ZNF511: variants seen among roughly 807,000 people sequenced by gnomAD.
ZNF511 encodes zinc finger protein 511.
Under a neutral mutation model 24.8 loss-of-function variants are expected in ZNF511, and 26 were observed. The ratio of observed to expected loss-of-function variants is 1.05; its 90% CI spans 0.77 to 1.46. The LOEUF (loss-of-function observed/expected upper bound fraction) is 1.46. Ranked by LOEUF, ZNF511 falls within the 40% of genes most tolerant of loss-of-function variation. The pLI is 0.00. For missense variants in ZNF511, 358 were observed against 345.0 expected, an observed-to-expected ratio of 1.04 and a Z score of -0.30; for synonymous variants, 144 against 139.6, an observed-to-expected ratio of 1.03 and a Z score of -0.22.
chr10:133,309,415 A>G lies in ZNF511; in HGVS notation c.179A>G (p.Tyr60Cys), dbSNP rs202111230. 4 of 1,612,206 alleles carry G rather than the reference A, an allele frequency of 2.5e-6. No individual in the cohort carries two copies. The African/African-American group carries it at 5.3e-5, about 21-fold the overall frequency. ...GATGGGGACGTGCAGCGCCACCTCTACCTCCAGGACGTGATCATGCAGGTG... is the reference window on the plus strand; with the variant it reads ...GATGGGGACGTGCAGCGCCACCTCTGCCTCCAGGACGTGATCATGCAGGTG... Reference protein sequence around the residue: ...FEDGDVQRHLYLQDVIMQVAD... With the variant: ...FEDGDVQRHLCLQDVIMQVAD... Residue 60 changes from tyrosine to cysteine, a missense_variant, in exon 2 of 6, where the codon TAC becomes TGC. Physicochemically the swap from Tyr to Cys is radical, Grantham distance 194. Coordinates refer to ENST00000361518, the MANE Select transcript of ZNF511 (RefSeq NM_145806.4).
chr10:133,310,347 C>G (rs1847962995), intron 4 of ZNF511, 59 bp downstream of exon 4: 2 of 1,605,874 alleles, frequency 1.2e-6, no homozygotes, highest in African/African-American at 2.7e-5. Flanking sequence ...AGGTTTCCAA[C>G]TAGCCGGAAT....
At chr10:133,311,432 C>T (rs535008657) in intron 4 of ZNF511, among the ~76,000 whole-genome samples, 13 of 152,190 alleles carry the variant, frequency 8.5e-5, no homozygotes, top group African/African-American at 2.6e-4. Flanking sequence ...TAAAAAGACC[C>T]GTGGCACCGT....
At position 133,310,221 on chromosome 10, in the gene ZNF511, G is replaced by A; in HGVS notation, c.487G>A (p.Asp163Asn). The A allele has an allele frequency of 4.3e-6, 7 of 1,614,076 alleles. No homozygotes were observed. The highest frequency in any genetic ancestry group is 5.9e-6 in the Non-Finnish European group (7 of 1,180,042). The change falls in exon 4 of 6, where the codon GAT (aspartate) becomes AAT (asparagine). Residue 163 changes from aspartate (D) to asparagine (N), a missense_variant. By Grantham distance (23) the Asp-to-Asn change is conservative. Transcript: ENST00000361518. ...GTTCAAGACCAGCAGAGACCGGAAG[G>A]ATCACATGGTGAGGATGCACCTGTA... ...EKFKTSRDRK[D>N]HMVRMHLYPA... is the part of the protein sequence containing the mutation.
At chr10:133,310,628 C>A (rs920723231) in intron 4 of ZNF511, 4 of 336,164 alleles carry the variant, frequency 1.2e-5, no homozygotes, top group African/African-American at 8.5e-5. Flanking sequence ...GTCATCCGCA[C>A]TCACACCCCT....
Position 133,310,089 on chromosome 10 carries a change from G to A in ZNF511, c.430-75G>A. 1.9e-6 allele frequency: 3 copies of A among 1,611,236 alleles called. No individual in the cohort carries two copies. In the South Asian group the frequency reaches 3.3e-5, roughly 18 times the overall value. On this transcript the variant is annotated intron_variant, in intron 3 of 5. Transcript: ENST00000361518. ...AGGCCGGGGACACCTTTCCGCCCTT[G>A]GCAGCTCTGCTACGGGGGCATGGCG...
Position 133,309,784 on chromosome 10 carries a change from CGT to C in ZNF511, c.237_238del (p.Phe80CysfsTer59). ...GCACGTCTCCTTGGCAGGGTGCCCG[CGT>C]TTGCCTGCCAGGTGGCCGGCTGCTG... On this transcript the variant is annotated frameshift_variant, in exon 3 of 6. Coordinates refer to ENST00000361518, the MANE Select transcript of ZNF511 (RefSeq NM_145806.4). LOFTEE classifies it high-confidence loss of function. 1 of 1,612,996 alleles carries C rather than the reference CGT, an allele frequency of 6.2e-7. No homozygotes were observed. The highest frequency in any genetic ancestry group is 2.2e-5 in the East Asian group (1 of 44,882).
chr10:133,311,624 A>T, intron 4 of ZNF511, 92 bp from the exon 5 acceptor site: 1 of 1,119,360 alleles, frequency 8.9e-7, no homozygotes, highest in Non-Finnish European at 1.3e-6. Flanking sequence ...ACTTACAGGG[A>T]AATCCAGTTT....
At chr10:133,310,109 A>T in intron 3 of ZNF511, 55 bp from the exon 4 acceptor site, 1 of 1,612,120 alleles carries the variant, frequency 6.2e-7, no homozygotes. Context: ...CTACGGGGGC[A>T]TGGCGGTGGG....
chr10:133,309,009 T>G lies in ZNF511; in HGVS notation c.66T>G (p.Pro22=). ...GGCCCGGGGCGGCGGAGCCGCTGCC[T>G]GTAGAGCGGGATCCCGCGGCTGGGG... The part of the protein sequence containing the change: ...AAGPGAAEPL[P]VERDPAAGAA... The change falls in exon 1 of 6, where the codon CCT becomes CCG. Residue 22 remains proline (P), a synonymous_variant. Coordinates refer to ENST00000361518, the MANE Select transcript of ZNF511 (RefSeq NM_145806.4). 8.0e-7 allele frequency: 1 copy of G among 1,255,228 alleles called. No individual in the cohort carries two copies. Among genetic ancestry groups the G allele is most frequent in the Non-Finnish European group, 1.0e-6 (1 of 993,034 alleles). 77.8% of individuals were successfully genotyped at this position (1,255,228 alleles called of 1,614,324 possible).
intron 1 of ZNF511, 73 bp downstream of exon 1, chr10:133,309,169 C>T (rs1275715587): frequency 4.4e-6 from 6 of 1,372,500 alleles, no homozygotes; most frequent in African/African-American, 3.1e-5. Context: ...GGGGCCGGAG[C>T]CTGGAGTGGG....
intron 3 of ZNF511, 62 bp from the exon 4 acceptor site, chr10:133,310,102 C>G (rs563464160): frequency 6.2e-7 from 1 of 1,611,558 alleles, no homozygotes; most frequent in Non-Finnish European, 8.5e-7. Flanking sequence ...AGCTCTGCTA[C>G]GGGGGCATGG....
At chr10:133,312,754 T>G (rs370749267) in intron 5 of ZNF511, 34 bp from the exon 6 acceptor site, 2 of 1,613,936 alleles carry the variant, frequency 1.2e-6, no homozygotes, top group African/African-American at 2.7e-5. Context: ...GGTTGGCAAA[T>G]ACAGCATCTA....
chr10:133,312,730 T>C, intron 5 of ZNF511, 58 bp from the exon 6 acceptor site: 1 of 1,613,218 alleles, frequency 6.2e-7, no homozygotes, highest in Admixed American at 1.7e-5. Flanking sequence ...AGTGCTGTTA[T>C]GACCTGGGTT....
rs1258084934 is a variant in ZNF511, at chr10:133,313,093, C to T, written c.*227C>T. On this transcript the variant is annotated 3_prime_UTR_variant, in exon 6 of 6. Transcript: ENST00000361518. ...CTATTGGGAAGGAGATGTGGACGGCCTGTCTCCTCCTGCAGGGCCCACCCT... is the reference window on the plus strand; with the variant it reads ...CTATTGGGAAGGAGATGTGGACGGCTTGTCTCCTCCTGCAGGGCCCACCCT... 1 of 1,115,744 alleles carries T rather than the reference C, an allele frequency of 9.0e-7. No individual in the cohort carries two copies. The highest frequency in any genetic ancestry group is 2.7e-5 in the East Asian group (1 of 36,464). 69.1% of individuals were successfully genotyped at this position (1,115,744 alleles called of 1,614,324 possible). A position where few individuals can be genotyped will look rare whatever the true frequency, so the allele number is the denominator to read the frequency against.
In ZNF511 at chr10:133,309,848, C is replaced by T. The variant is rs1847947594; in HGVS notation, c.300C>T (p.His100=). The T allele has an allele frequency of 6.2e-7, 1 of 1,613,818 alleles. No homozygotes were observed. The highest frequency in any genetic ancestry group is 2.2e-5 in the East Asian group (1 of 44,886). Residue 100 remains histidine, a synonymous_variant, in exon 3 of 6, where the codon CAC becomes CAT. Transcript: ENST00000361518. ...VFDALDDYEH[H]YHTLHGNVCS... ...ATGCCCTGGACGACTACGAGCACCA[C>T]TACCACACGCTGCACGGAAATGTTT...
chr10:133,312,288 C>T, intron 5 of ZNF511: 2 of 1,234,860 alleles, frequency 1.6e-6, no homozygotes, highest in Non-Finnish European at 2.0e-6. Flanking sequence ...TACTGTCTGC[C>T]TTTCTAGCGT....
chr10:133,309,128 T>C (rs1298474252), intron 1 of ZNF511, 32 bp downstream of exon 1: 3 of 1,361,420 alleles, frequency 2.2e-6, no homozygotes, highest in East Asian at 5.6e-5. Context: ...AAAGTAGTTG[T>C]AGGATCCAGT....
chr10:133,312,363 A>G, intron 5 of ZNF511: 1 of 1,160,522 alleles, frequency 8.6e-7, no homozygotes, highest in East Asian at 5.4e-5. Flanking sequence ...AACGGTGAAC[A>G]AGTGGGGAAA....
chr10:133,310,082 C>T (rs988823659), intron 3 of ZNF511, 82 bp from the exon 4 acceptor site: 33 of 1,610,254 alleles, frequency 2.0e-5, no homozygotes, highest in East Asian at 1.6e-4. Context: ...GACACCTTTC[C>T]GCCCTTGGCA....
Sources: gnomAD v4.1 joint callset for allele counts (sites outside exome capture counted in the v4.1 genomes callset) on GRCh38, gnomAD v4.1.1 for gene constraint, MANE v1.5 for transcripts, NCBI Gene and HGNC (gene_info 2026-07-23, HGNC 2026-07-21) for gene names.